The following SIGLEC6 variants were observed in gnomAD, a reference collection of about 807,000 sequenced individuals.
SIGLEC6 encodes the protein sialic acid binding Ig like lectin 6.
A neutral mutation model predicts 41.4 loss-of-function variants in SIGLEC6; 31 were observed. That is an observed-to-expected ratio of 0.75 (90% confidence interval 0.56 to 1.01). The LOEUF is 1.01. SIGLEC6 is among the 50% of genes least tolerant of loss of function. The pLI is 0.00. For missense variants in SIGLEC6, 555 were observed against 558.6 expected (o/e 0.99, Z 0.06); for synonymous variants, 217 against 231.0 (o/e 0.94, Z 0.55).
chr19:51,524,678 T>G (rs764073248), intron 7 of SIGLEC6, among the ~76,000 whole-genome samples: 1 of 152,160 alleles, frequency 6.6e-6, no homozygotes, highest in Non-Finnish European at 1.5e-5. Flanking sequence ...GTTACTGAGA[T>G]AAGAGTTTTT....
rs1600028607 is a variant in SIGLEC6 at position 51,528,267 on chromosome 19, T to G, written c.1013-14A>C. The G allele has an allele frequency of 6.2e-6, 10 of 1,608,242 alleles. No individual in the cohort carries two copies. The East Asian group carries it at 2.2e-4, about 36-fold the overall frequency. On this transcript the variant is annotated splice_polypyrimidine_tract_variant and intron_variant, in intron 5 of 7. Transcript: ENST00000425629. ...CTTCTGGTTTCCCTATAATTTGAAT[T>G]TTAAGTGAACTCCAGTTCTAATTCC...
chr19:51,518,544 TG>T lies in SIGLEC6; in HGVS notation c.*1537del, dbSNP rs1156868630. Among the ~76,000 whole-genome samples, 64 of 152,346 alleles carry T rather than the reference TG, an allele frequency of 4.2e-4. No individual in the cohort carries two copies. The highest frequency in any genetic ancestry group is 1.5e-3 in the African/African-American group (63 of 41,584). On this transcript the variant is annotated 3_prime_UTR_variant, in exon 8 of 8. Coordinates refer to ENST00000425629, the MANE Select transcript of SIGLEC6 (RefSeq NM_001245.7). The stretch of plus-strand genomic sequence containing the variant: ...TAGTAGAGATGGGGTTTCACCATGT[TG>T]GCCAGACCAGTCTCGAACTCCTGAC...
At chr19:51,527,380 C>T (rs1372599808) in intron 7 of SIGLEC6, among the ~76,000 whole-genome samples, 1 of 152,142 alleles carries the variant, frequency 6.6e-6, no homozygotes, top group African/African-American at 2.4e-5. Context: ...CTACCACATT[C>T]CTTGTACTTA....
intron 5 of SIGLEC6, among the ~76,000 whole-genome samples, chr19:51,528,604 G>A (rs1426884038): frequency 6.6e-6 from 1 of 152,126 alleles, no homozygotes; most frequent in East Asian, 1.9e-4. Context: ...TTGGAGAAGG[G>A]TCATAGCTGA....
intron 7 of SIGLEC6, among the ~76,000 whole-genome samples, chr19:51,520,845 A>G (rs1034471340): frequency 6.6e-6 from 1 of 152,222 alleles, no homozygotes; most frequent in Non-Finnish European, 1.5e-5. Flanking sequence ...CATGTTGCCT[A>G]TAGACACACA....
rs1990658100 is a variant in SIGLEC6 at position 51,517,990 on chromosome 19, C to T, written c.*2092G>A. Among the ~76,000 whole-genome samples the T allele has an allele frequency of 6.6e-6, 1 of 152,104 alleles. No homozygotes were observed. The highest frequency in any genetic ancestry group is 2.4e-5 in the African/African-American group (1 of 41,438). On this transcript the variant is annotated 3_prime_UTR_variant, in exon 8 of 8. Transcript: ENST00000425629. ...ACCCCTCTACAAACCATCATTTTTACAACAAGTATTTGTTTCATTTTGCTC... is the reference window on the plus strand; with the variant it reads ...ACCCCTCTACAAACCATCATTTTTATAACAAGTATTTGTTTCATTTTGCTC...
intron 7 of SIGLEC6, among the ~76,000 whole-genome samples, chr19:51,527,152 C>T (rs150486361): frequency 6.6e-6 from 1 of 152,276 alleles, no homozygotes; most frequent in East Asian, 1.9e-4. Flanking sequence ...TGTCCCCAAC[C>T]TCTCTAGAGA....
chr19:51,523,884 G>A (rs942179454), intron 7 of SIGLEC6, among the ~76,000 whole-genome samples: 49 of 152,220 alleles, frequency 3.2e-4, no homozygotes, highest in African/African-American at 9.1e-4. Flanking sequence ...TTAGCTGGGC[G>A]CGGTGGCGGG....
chr19:51,518,789 G>A lies in SIGLEC6; in HGVS notation c.*1293C>T, dbSNP rs973070551. On this transcript the variant is annotated 3_prime_UTR_variant, in exon 8 of 8. Coordinates refer to ENST00000425629, the MANE Select transcript of SIGLEC6 (RefSeq NM_001245.7). ...AGGAAGCTGTGGAAATGGACATGGG[G>A]TATTGGTGACTGGTGAGGAATTGAT... Among the ~76,000 whole-genome samples the A allele has an allele frequency of 6.6e-6, 1 of 152,198 alleles. No individual in the cohort carries two copies. Among genetic ancestry groups the A allele is most frequent in the African/African-American group, 2.4e-5 (1 of 41,434 alleles).
In SIGLEC6 at chr19:51,529,379, A is replaced by G. The variant is rs1326447600; in HGVS notation, c.1012+345T>C. On this transcript the variant is annotated intron_variant, in intron 5 of 7. Coordinates refer to ENST00000425629, the MANE Select transcript of SIGLEC6 (RefSeq NM_001245.7). ...GACTCCTGACCTGGCAGCAGCTGGG[A>G]CAGAGCTGCTCTGGGATGTTCTGGG... 5 of 307,832 alleles carry G rather than the reference A, an allele frequency of 1.6e-5. No individual in the cohort carries two copies. In the Admixed American group the frequency reaches 2.2e-4, roughly 14 times the overall value. 19.1% of individuals were successfully genotyped at this position (307,832 alleles called of 1,614,324 possible). A position where few individuals can be genotyped will look rare whatever the true frequency, so the allele number is the denominator to read the frequency against.
intron 5 of SIGLEC6, chr19:51,529,430 G>A: frequency 4.5e-6 from 2 of 443,682 alleles, no homozygotes; most frequent in Non-Finnish European, 8.4e-6. Flanking sequence ...TGAGACTTGA[G>A]CTGAATCCCT....
Position 51,530,485 on chromosome 19 carries a change from C to G in SIGLEC6, c.707-1G>C. 1.2e-6 allele frequency: 2 copies of G among 1,614,156 alleles called. No homozygotes were observed. Among genetic ancestry groups the G allele is most frequent in the Non-Finnish European group, 1.7e-6 (2 of 1,179,996 alleles). On this transcript the variant is annotated splice_acceptor_variant, in intron 3 of 7. Transcript: ENST00000425629. LOFTEE classifies it high-confidence loss of function. ...CTGATGGCCACTTTCTGTGGAGCAT[C>G]TGGGGTGGAAAGAGGTGGCCGCCTC...
chr19:51,525,499 C>A (rs1979061849), intron 7 of SIGLEC6, among the ~76,000 whole-genome samples: 1 of 152,106 alleles, frequency 6.6e-6, no homozygotes, highest in South Asian at 2.1e-4. Flanking sequence ...CTGACCCGGG[C>A]CCCCAGCACA....
rs199838193 is a variant in SIGLEC6 at position 51,529,703 on chromosome 19, C to A, written c.1012+21G>T. On this transcript the variant is annotated intron_variant, in intron 5 of 7. Coordinates refer to ENST00000425629, the MANE Select transcript of SIGLEC6 (RefSeq NM_001245.7). Reference sequence around the variant, plus strand: ...TCTCGCCCAGCTGCCCACACTCTCGCGCACCTCCCCCCACACTCACAATGC... The same window carrying A: ...TCTCGCCCAGCTGCCCACACTCTCGAGCACCTCCCCCCACACTCACAATGC... 18 of 1,613,520 alleles carry A rather than the reference C, an allele frequency of 1.1e-5. No individual in the cohort carries two copies. In the African/African-American group the frequency reaches 2.3e-4, roughly 20 times the overall value.
Position 51,530,855 on chromosome 19 carries a change from G to A in SIGLEC6, c.532C>T (p.Pro178Ser), listed in dbSNP as rs1395350355. 1 of 1,613,978 alleles carries A rather than the reference G, an allele frequency of 6.2e-7. No individual in the cohort carries two copies. The highest frequency in any genetic ancestry group is 2.2e-5 in the East Asian group (1 of 44,866). The change falls in exon 3 of 8, where the codon CCC becomes TCC. Residue 178 changes from proline (P) to serine (S), a missense_variant. Physicochemically the swap from Pro to Ser is moderately conservative, Grantham distance 74. Coordinates refer to ENST00000425629, the MANE Select transcript of SIGLEC6 (RefSeq NM_001245.7). ...VPWVCEQGTP[P>S]IFSWMSAAPT... is the part of the protein sequence containing the mutation. ...GCAGCTGACATCCAGGAGAAGATGGGGGGCGTCCCCTGCTCACAGACCCAG... is the reference window on the plus strand; with the variant it reads ...GCAGCTGACATCCAGGAGAAGATGGAGGGCGTCCCCTGCTCACAGACCCAG...
intron 5 of SIGLEC6, 46 bp from the exon 6 acceptor site, chr19:51,528,299 T>C (rs1007516667): frequency 2.6e-5 from 40 of 1,511,644 alleles, no homozygotes; most frequent in Non-Finnish European, 3.4e-5. Context: ...TTCCAGGACA[T>C]CCTCCCAACA....
intron 3 of SIGLEC6, 58 bp downstream of exon 3, chr19:51,530,623 A>T: frequency 1.9e-6 from 3 of 1,606,734 alleles, no homozygotes; most frequent in Non-Finnish European, 8.5e-7. Flanking sequence ...GCTCTGGCTC[A>T]GCCCTGCCCT....
intron 5 of SIGLEC6, 86 bp downstream of exon 5, chr19:51,529,638 C>G: frequency 6.4e-7 from 1 of 1,557,264 alleles, no homozygotes; most frequent in South Asian, 1.2e-5. Context: ...GGAGGGAGGA[C>G]AGGACTTAGC....
At position 51,528,797 on chromosome 19, in the gene SIGLEC6, A is replaced by G. The variant is rs569418821; in HGVS notation, c.1013-544T>C. Among the ~76,000 whole-genome samples the G allele has an allele frequency of 2.2e-4, 34 of 152,182 alleles. 1 individual carries two copies. In the South Asian group the frequency reaches 6.7e-3, roughly 30 times the overall value. ...GGAGATCGAGACCATCCTGGCCAAC[A>G]TGGTGAAACCCTGTCTCTACTCAAA... On this transcript the variant is annotated intron_variant, in intron 5 of 7. Coordinates refer to ENST00000425629, the MANE Select transcript of SIGLEC6 (RefSeq NM_001245.7).
Sources: allele counts gnomAD v4.1 joint callset (sites outside exome capture counted in the v4.1 genomes callset), GRCh38; gene constraint gnomAD v4.1.1; transcripts MANE v1.5; gene names NCBI Gene and HGNC (gene_info 2026-07-23, HGNC 2026-07-21).